Variants in LINGO2 observed in about 807,000 individuals in gnomAD.
The protein encoded by LINGO2 is leucine rich repeat and Ig domain containing 2, also known as leucine-rich repeat and immunoglobulin-like domain-containing nogo receptor-interacting protein 2.
Under a neutral mutation model 30.6 loss-of-function variants are expected in LINGO2, and 14 were observed. That is an observed-to-expected ratio of 0.46 (90% CI 0.30 to 0.72). The LOEUF (loss-of-function observed/expected upper bound fraction) is 0.72, where lower values mean the gene tolerates loss of function less well. Among genes scored for constraint, LINGO2 ranks in the 30% least tolerant of loss-of-function variants. The pLI is 0.07. For missense variants in LINGO2, 729 were observed against 751.7 expected (o/e 0.97, Z 0.35); for synonymous variants, 317 against 288.5 (o/e 1.10, Z -1.00).
the LINGO2 span, among the ~76,000 whole-genome samples, chr9:28,861,116 A>C: frequency 8.3e-6 from 1 of 120,490 alleles, no homozygotes; most frequent in Non-Finnish European, 1.6e-5. Context: ...AAATATATTT[A>C]TATAATATAA....
intron 1 of LINGO2, among the ~76,000 whole-genome samples, chr9:28,511,357 G>A (rs979709636): frequency 2.0e-5 from 3 of 152,182 alleles, no homozygotes; most frequent in Non-Finnish European, 4.4e-5. Context: ...GCCATATTGA[G>A]GGCTCAGTGT....
At chr9:29,134,631 T>C in the LINGO2 span, among the ~76,000 whole-genome samples, 1 of 152,078 alleles carries the variant, frequency 6.6e-6, no homozygotes, top group South Asian at 2.1e-4. Flanking sequence ...GAATTTCCAA[T>C]GCCATTAAAC....
chr9:28,560,227 T>G (rs1027355781), intron 1 of LINGO2, among the ~76,000 whole-genome samples: 1 of 152,150 alleles, frequency 6.6e-6, no homozygotes, highest in South Asian at 2.1e-4. Flanking sequence ...GGCTAAGCAT[T>G]ATTCTGGATG....
chr9:28,405,326 G>T (rs1188112585), intron 2 of LINGO2, among the ~76,000 whole-genome samples: 2 of 151,890 alleles, frequency 1.3e-5, no homozygotes, highest in Non-Finnish European at 2.9e-5. Context: ...AATAGAATTG[G>T]GTCCTTCAAA....
intron 3 of LINGO2, among the ~76,000 whole-genome samples, chr9:28,326,240 C>G (rs1236429250): frequency 6.6e-6 from 1 of 152,130 alleles, no homozygotes; most frequent in Non-Finnish European, 1.5e-5. Flanking sequence ...CTCCTGACCT[C>G]GTGATCTGCC....
At position 28,148,403 on chromosome 9, in the gene LINGO2, C is replaced by T. The variant is rs1044633583; in HGVS notation, c.-86-135998G>A. The T allele has an allele frequency of 4.8e-5, 61 of 1,269,248 alleles. No homozygotes were observed. Among genetic ancestry groups the T allele is most frequent in the Non-Finnish European group, 5.4e-5 (49 of 904,210 alleles). 78.6% of individuals were successfully genotyped at this position (1,269,248 alleles called of 1,614,324 possible). A position where few individuals can be genotyped will look rare whatever the true frequency, so the allele number is the denominator to read the frequency against. On this transcript the variant is annotated intron_variant, in intron 4 of 5. Coordinates refer to ENST00000379992, the Ensembl canonical transcript of LINGO2. This position sits in a 1 kb window ranked among gnomAD's most constrained non-coding sequence, Gnocchi z 5.1. ...CCTTCAACTTCCTTCATTAGATGAG[C>T]AGGTGATCCCAGCCAGGCTCCCGAA... is the stretch of plus-strand genomic sequence containing the variant.
the LINGO2 span, chr9:27,941,269 T>TA: frequency 6.6e-6 from 1 of 152,214 alleles, no homozygotes; most frequent in Non-Finnish European, 1.5e-5. Flanking sequence ...ACCCTGTCTC[T>TA]ACTAAAAAAA....
intron 2 of LINGO2, among the ~76,000 whole-genome samples, chr9:28,419,377 C>T (rs950700149): frequency 6.6e-6 from 1 of 151,952 alleles, no homozygotes; most frequent in Non-Finnish European, 1.5e-5. Context: ...TTCATTTTTG[C>T]AATACTAATC....
At chr9:28,009,086 T>C (rs1298214367) in intron 5 of LINGO2, among the ~76,000 whole-genome samples, 2 of 152,078 alleles carry the variant, frequency 1.3e-5, no homozygotes, top group African/African-American at 4.8e-5. Flanking sequence ...TGGAATAGAA[T>C]TGAGAGTCTA....
chr9:28,440,055 C>T (rs1824129219), intron 2 of LINGO2, among the ~76,000 whole-genome samples: 1 of 152,158 alleles, frequency 6.6e-6, no homozygotes, highest in South Asian at 2.1e-4. Flanking sequence ...AGAGCCCATC[C>T]TGACTGATAC....
chr9:28,231,896 T>TTATA (rs199522431), intron 4 of LINGO2, among the ~76,000 whole-genome samples: 53 of 151,902 alleles, frequency 3.5e-4, no homozygotes, highest in African/African-American at 1.3e-3. Flanking sequence ...TTCCTATGCT[T>TTATA]TATATATATA....
At chr9:28,241,529 C>CCA (rs924307664) in intron 4 of LINGO2, among the ~76,000 whole-genome samples, 22 of 151,988 alleles carry the variant, frequency 1.4e-4, no homozygotes, top group Admixed American at 1.4e-3. Flanking sequence ...GGCAGGGGAG[C>CCA]CACCCTCAGC....
the LINGO2 span, among the ~76,000 whole-genome samples, chr9:29,144,744 G>C: frequency 6.6e-6 from 1 of 152,006 alleles, no homozygotes; most frequent in African/African-American, 2.4e-5. Flanking sequence ...CCTTTATGTA[G>C]TGTGGAGAGA....
At chr9:28,139,324 T>C (rs772188598) in intron 4 of LINGO2, among the ~76,000 whole-genome samples, 7 of 152,226 alleles carry the variant, frequency 4.6e-5, no homozygotes, top group Non-Finnish European at 7.3e-5. Flanking sequence ...ACCTTATTTA[T>C]ATAGTATAGA....
intron 5 of LINGO2, among the ~76,000 whole-genome samples, chr9:27,985,947 C>G (rs1041998661): frequency 3.3e-5 from 5 of 151,770 alleles, no homozygotes; most frequent in African/African-American, 1.2e-4. Flanking sequence ...CCTCTCCAAC[C>G]CAAGACACTT....
the LINGO2 span, among the ~76,000 whole-genome samples, chr9:28,686,125 A>T: frequency 6.6e-6 from 1 of 152,042 alleles, no homozygotes; most frequent in African/African-American, 2.4e-5. Context: ...GGGGAAATTA[A>T]CCTGGCCATA....
chr9:29,066,497 A>G, the LINGO2 span, among the ~76,000 whole-genome samples: 1 of 151,938 alleles, frequency 6.6e-6, no homozygotes, highest in African/African-American at 2.4e-5. Flanking sequence ...TACTCAGTGT[A>G]TTTGCGATCA....
chr9:28,885,618 T>C, the LINGO2 span, among the ~76,000 whole-genome samples: 1 of 152,036 alleles, frequency 6.6e-6, no homozygotes, highest in Non-Finnish European at 1.5e-5. Context: ...CTATAAAAAA[T>C]GCATTTGAAG....
At chr9:28,265,203 A>C (rs1020236322) in intron 4 of LINGO2, among the ~76,000 whole-genome samples, 2 of 151,688 alleles carry the variant, frequency 1.3e-5, no homozygotes, top group African/African-American at 4.8e-5. Context: ...ACACTCATAT[A>C]TCTTACTGGT....
Sources: allele counts gnomAD v4.1 joint callset (sites outside exome capture counted in the v4.1 genomes callset), GRCh38; gene constraint gnomAD v4.1.1; non-coding constraint Gnocchi (gnomAD v3.1); transcripts MANE v1.5; gene names NCBI Gene and HGNC (gene_info 2026-07-23, HGNC 2026-07-21).